The following SLC4A1 variants were observed in gnomAD, a reference collection of about 807,000 sequenced individuals.
The protein encoded by SLC4A1 is solute carrier family 4 member 1 (Diego blood group).
SLC4A1 carries 29 observed loss-of-function variants against 93.1 expected under a neutral mutation model. The ratio of observed to expected loss-of-function variants is 0.31; its 90% CI spans 0.23 to 0.42. The LOEUF is 0.42. Ranked by LOEUF, SLC4A1 falls within the 20% of genes least tolerant of loss-of-function variation. SLC4A1 has a pLI of 1.00. For missense variants in SLC4A1, 965 were observed against 1,190.1 expected (o/e 0.81, Z 2.78); for synonymous variants, 469 against 497.2 (o/e 0.94, Z 0.76).
intron 18 of SLC4A1, 36 bp downstream of exon 18, chr17:44,251,383 C>T (rs1371689962): frequency 1.2e-6 from 2 of 1,614,250 alleles, no homozygotes; most frequent in Admixed American, 3.3e-5. Flanking sequence ...CACCCTCTAC[C>T]ACCCCAGGCT....
chr17:44,263,042 G>T lies in SLC4A1; in HGVS notation c.-68-108C>A, dbSNP rs2047461072. On this transcript the variant is annotated intron_variant, in intron 1 of 19. Transcript: ENST00000262418. Reference sequence around the variant, plus strand: ...TGGAGGGGATCCACGTGTTGGAGGTGGTAGGGCCAGAGGAAGGAAGTGTGG... The same window carrying T: ...TGGAGGGGATCCACGTGTTGGAGGTTGTAGGGCCAGAGGAAGGAAGTGTGG... 15 of 892,506 alleles carry T rather than the reference G, an allele frequency of 1.7e-5. 1 individual carries two copies. The South Asian group carries it at 2.1e-4, about 12-fold the overall frequency. 55.3% of individuals were successfully genotyped at this position (892,506 alleles called of 1,614,324 possible). A position where few individuals can be genotyped will look rare whatever the true frequency, so the allele number is the denominator to read the frequency against.
At chr17:44,261,942 C>T (rs1377664536) in intron 3 of SLC4A1, 29 of 1,159,930 alleles carry the variant, frequency 2.5e-5, no homozygotes, top group Non-Finnish European at 3.0e-5. Context: ...GACGGCAGAG[C>T]CCTGAGTGGC....
intron 13 of SLC4A1, 117 bp from the exon 14 acceptor site, chr17:44,255,963 TCATC>T (rs1251319180): frequency 1.1e-6 from 1 of 949,392 alleles, no homozygotes; most frequent in Admixed American, 1.7e-5. Context: ...TATTAATTCA[TCATC>T]CATCCATTTA....
intron 17 of SLC4A1, among the ~76,000 whole-genome samples, chr17:44,252,647 C>T (rs541104701): frequency 1.3e-5 from 2 of 152,312 alleles, no homozygotes; most frequent in South Asian, 4.1e-4. Context: ...ACCCCAGTGA[C>T]CCTTCTTTCT....
At chr17:44,252,517 C>G (rs2047352222) in intron 17 of SLC4A1, among the ~76,000 whole-genome samples, 1 of 152,130 alleles carries the variant, frequency 6.6e-6, no homozygotes, top group Non-Finnish European at 1.5e-5. Flanking sequence ...TCTCCTCACC[C>G]CAGCCCAGAA....
chr17:44,260,757 A>C lies in SLC4A1; in HGVS notation c.227T>G (p.Met76Arg). The C allele has an allele frequency of 1.2e-6, 2 of 1,613,980 alleles. No homozygotes were observed. Among genetic ancestry groups the C allele is most frequent in the Non-Finnish European group, 1.7e-6 (2 of 1,179,992 alleles). The change falls in exon 5 of 20, where the codon ATG (methionine) becomes AGG (arginine). Residue 76 changes from methionine (M) to arginine (R), a missense_variant. Physicochemically the swap from Met to Arg is moderately conservative, Grantham distance 91. This residue lies in a region of SLC4A1 where 195 missense variants were observed against 183.5 expected (regional missense o/e 1.06). Coordinates refer to ENST00000262418, the MANE Select transcript of SLC4A1 (RefSeq NM_000342.4). The part of the protein sequence containing the change: ...MDEKNQELRW[M>R]EAARWVQLEE... ...CAGTTGCACCCAGCGCGCCGCCTCC[A>C]TCCATCTCAGCTCCTGGTTCTTTTC...
At chr17:44,253,444 C>T in intron 16 of SLC4A1, 73 bp from the exon 17 acceptor site, 1 of 1,548,238 alleles carries the variant, frequency 6.5e-7, no homozygotes, top group Non-Finnish European at 8.7e-7. Context: ...CTTCTCCATA[C>T]TTGGTGTCCT....
At position 44,248,789 on chromosome 17, in the gene SLC4A1, C is replaced by G. The variant is rs1348880277; in HGVS notation, c.*1669G>C. 5.9e-6 allele frequency: 1 copy of G among 169,788 alleles called. No homozygotes were observed. Among genetic ancestry groups the G allele is most frequent in the African/African-American group, 2.5e-5 (1 of 40,032 alleles). 10.5% of individuals were successfully genotyped at this position (169,788 alleles called of 1,614,324 possible). ...ACAAATAATGTTACTCTATGTTGGG[C>G]TGGAACCCCACCACACACACATGTT... On this transcript the variant is annotated 3_prime_UTR_variant, in exon 20 of 20. Coordinates refer to ENST00000262418, the MANE Select transcript of SLC4A1 (RefSeq NM_000342.4).
In SLC4A1 at chr17:44,261,869, C is replaced by A. The variant is rs370152745; in HGVS notation, c.107-233G>T. 7.2e-5 allele frequency among the ~76,000 whole-genome samples: 11 copies of A among 152,200 alleles called. No homozygotes were observed. In the East Asian group the frequency reaches 1.6e-3, roughly 22 times the overall value. ...CTATCTGAGCCTTGTCGAGGACACC[C>A]GGGATTCAGCCAGGGAGGCCTAGCC... On this transcript the variant is annotated intron_variant, in intron 3 of 19. Transcript: ENST00000262418.
At position 44,254,674 on chromosome 17, in the gene SLC4A1, G is replaced by T. The variant is rs2144605450; in HGVS notation, c.1891-12C>A. On this transcript the variant is annotated splice_polypyrimidine_tract_variant and intron_variant, in intron 15 of 19. Coordinates refer to ENST00000262418, the MANE Select transcript of SLC4A1 (RefSeq NM_000342.4). ...GGCACCGAGAGTTTCTGTGGGAGGG[G>T]GTAGCAGGTAAGAATGCCAAGGGCA... The T allele has an allele frequency of 6.2e-7, 1 of 1,613,436 alleles. No homozygotes were observed. The highest frequency in any genetic ancestry group is 8.5e-7 in the Non-Finnish European group (1 of 1,179,748).
In SLC4A1 at chr17:44,260,556, A is replaced by C; in HGVS notation, c.350-17T>G. 1.2e-6 allele frequency: 2 copies of C among 1,614,166 alleles called. No individual in the cohort carries two copies. Among genetic ancestry groups the C allele is most frequent in the Non-Finnish European group, 1.7e-6 (2 of 1,180,012 alleles). ...GGACAGTACCTGCAGGCAGTGGAGG[A>C]GTGAGCTGGTAGGCTGGGCCACAGC... is the stretch of plus-strand genomic sequence containing the variant. On this transcript the variant is annotated splice_polypyrimidine_tract_variant and intron_variant, in intron 5 of 19. Transcript: ENST00000262418.
chr17:44,260,893 G>A, intron 4 of SLC4A1, 78 bp from the exon 5 acceptor site: 2 of 1,512,348 alleles, frequency 1.3e-6, no homozygotes, highest in East Asian at 4.6e-5. Flanking sequence ...CTCGAGAGAG[G>A]CTTGTGCTTG....
At chr17:44,260,584 C>T (rs1232234635) in intron 5 of SLC4A1, 45 bp from the exon 6 acceptor site, 2 of 1,614,124 alleles carry the variant, frequency 1.2e-6, no homozygotes, top group East Asian at 2.2e-5. Context: ...GCCACAGCAC[C>T]CCACAACAAT....
At chr17:44,254,374 G>T in intron 16 of SLC4A1, 122 bp downstream of exon 16, 1 of 873,214 alleles carries the variant, frequency 1.1e-6, no homozygotes, top group Non-Finnish European at 1.9e-6. Context: ...CTGCTAGTCG[G>T]GAGGGCCACA....
chr17:44,265,093 G>T (rs1164538429), intron 1 of SLC4A1, among the ~76,000 whole-genome samples: 8 of 129,014 alleles, frequency 6.2e-5, no homozygotes, highest in Non-Finnish European at 8.4e-5. Flanking sequence ...ATCACTGGGG[G>T]CTGGTGGGAG....
chr17:44,256,692 C>T (rs1378042467), intron 13 of SLC4A1, among the ~76,000 whole-genome samples: 1 of 152,224 alleles, frequency 6.6e-6, no homozygotes, highest in South Asian at 2.1e-4. Context: ...CATGCCCATA[C>T]CTACCCATTG....
At chr17:44,261,304 C>T (rs567759811) in intron 4 of SLC4A1, among the ~76,000 whole-genome samples, 4 of 152,300 alleles carry the variant, frequency 2.6e-5, no homozygotes, top group Middle Eastern at 3.4e-3. Flanking sequence ...TCCCCAGTGA[C>T]GCCCGACAGC....
chr17:44,257,861 CATAG>C, intron 11 of SLC4A1, 54 bp from the exon 12 acceptor site: 11 of 1,611,358 alleles, frequency 6.8e-6, no homozygotes, highest in Non-Finnish European at 9.3e-6. Flanking sequence ...TCCAGGAGCC[CATAG>C]AGCAAGTCAT....
chr17:44,259,423 A>G lies in SLC4A1; in HGVS notation c.694+74T>C, dbSNP rs1271148329. ...TGAAGAGATGGGGCTGCGGGGGTCC[A>G]GGCTGAGGGAAAGACAGGCTGAGCC... On this transcript the variant is annotated intron_variant, in intron 8 of 19. Transcript: ENST00000262418. 4 of 1,603,372 alleles carry G rather than the reference A, an allele frequency of 2.5e-6. No homozygotes were observed. The Admixed American group carries it at 6.7e-5, about 27-fold the overall frequency.
Sources: gnomAD v4.1 joint callset for allele counts (sites outside exome capture counted in the v4.1 genomes callset) on GRCh38, gnomAD v4.1.1 for gene constraint, gnomAD v4.1.1 regional missense constraint, MANE v1.5 for transcripts, NCBI Gene and HGNC (gene_info 2026-07-23, HGNC 2026-07-21) for gene names.